FGF12: variants seen among roughly 807,000 people sequenced by gnomAD.
FGF12 encodes fibroblast growth factor 12.
Under a neutral mutation model 23.6 loss-of-function variants are expected in FGF12, and 14 were observed. That is an observed-to-expected ratio of 0.59 (90% CI 0.39 to 0.93). The LOEUF is 0.93. Among genes scored for constraint, FGF12 ranks in the 40% least tolerant of loss-of-function variants. The pLI is 0.00. For missense variants in FGF12, 175 were observed against 217.8 expected (o/e 0.80, Z 1.24); for synonymous variants, 62 against 77.3 (o/e 0.80, Z 1.04).
At chr3:192,571,340 C>A (rs78447917) in intron 2 of FGF12, among the ~76,000 whole-genome samples, 4,973 of 152,258 alleles carry the variant, frequency 0.033, 253 homozygotes, top group African/African-American at 0.11. Flanking sequence ...AAAAACCAAA[C>A]CAAAACAAAA....
At chr3:192,601,118 TA>T (rs1714098029) in intron 2 of FGF12, among the ~76,000 whole-genome samples, 1 of 151,936 alleles carries the variant, frequency 6.6e-6, no homozygotes, top group African/African-American at 2.4e-5. Flanking sequence ...CATTCAGCCA[TA>T]AAAAAGAATA....
chr3:192,218,298 T>C (rs1428976448), intron 4 of FGF12, among the ~76,000 whole-genome samples: 1 of 152,216 alleles, frequency 6.6e-6, no homozygotes, highest in Admixed American at 6.5e-5. Flanking sequence ...TTGGGGCCAG[T>C]TGATCTGGAT....
chr3:192,460,371 CTCTG>C (rs1284308892), intron 2 of FGF12, among the ~76,000 whole-genome samples: 1 of 152,118 alleles, frequency 6.6e-6, no homozygotes, highest in Non-Finnish European at 1.5e-5. Context: ...TGCCTGAGTT[CTCTG>C]TCTGAGCTTT....
Position 192,558,626 on chromosome 3 carries a change from C to A in FGF12, c.13+168555G>T, listed in dbSNP as rs572532930. On this transcript the variant is annotated intron_variant, in intron 2 of 5. Coordinates refer to ENST00000445105, the MANE Select transcript of FGF12 (RefSeq NM_004113.6). ...AAAAAATAAACAACAACAACAACAA[C>A]AAAACACTGTATAGCCAAAATGATT... Among the ~76,000 whole-genome samples the A allele has an allele frequency of 3.0e-3, 456 of 151,762 alleles. 3 individuals carry two copies. The highest frequency in any genetic ancestry group is 0.01 in the African/African-American group (434 of 41,468).
At position 192,408,900 on chromosome 3, in the gene FGF12, G is replaced by C. The variant is rs1004539919; in HGVS notation, c.14-48362C>G. 2 of 985,372 alleles carry C rather than the reference G, an allele frequency of 2.0e-6. No individual in the cohort carries two copies. The highest frequency in any genetic ancestry group is 9.4e-5 in the South Asian group (2 of 21,284). The allele number at this position is 985,372 out of a possible 1,614,324, so 61.0% of individuals were successfully genotyped here. ...GGGTGAGGTCTACAGAATGCATCGC[G>C]CCGGCTGCGGCTTTCCAGGGGCCGG... On this transcript the variant is annotated intron_variant, in intron 2 of 5. Transcript: ENST00000445105. The surrounding 1 kb of genome is among the most constrained non-coding windows in gnomAD (Gnocchi z 7.3).
chr3:192,628,148 G>GGAGATTCAT (rs1715244148), intron 2 of FGF12, among the ~76,000 whole-genome samples: 1 of 151,888 alleles, frequency 6.6e-6, no homozygotes, highest in Non-Finnish European at 1.5e-5. Flanking sequence ...ATAATTCCCT[G>GGAGATTCAT]GAGATTCATC....
rs139280957 is a variant in FGF12 at position 192,358,915 on chromosome 3, C to T, written c.124+1513G>A. ...CCATTAGATTTTATAGAAATTAAAC[C>T]TGAGAACTAGTAATATCTTGGAGTT... On this transcript the variant is annotated intron_variant, in intron 3 of 5. Coordinates refer to ENST00000445105, the MANE Select transcript of FGF12 (RefSeq NM_004113.6). Among the ~76,000 whole-genome samples, 861 of 152,110 alleles carry T rather than the reference C, an allele frequency of 5.7e-3. 8 individuals carry two copies. Among genetic ancestry groups the T allele is most frequent in the African/African-American group, 0.02 (822 of 41,516 alleles).
intron 4 of FGF12, among the ~76,000 whole-genome samples, chr3:192,194,558 T>C (rs1560187377): frequency 6.6e-6 from 1 of 152,208 alleles, no homozygotes; most frequent in Non-Finnish European, 1.5e-5. Context: ...TTCATATATA[T>C]TTAGATGTTT....
intron 4 of FGF12, among the ~76,000 whole-genome samples, chr3:192,251,233 CCTAA>C (rs779881052): frequency 4.1e-4 from 62 of 152,154 alleles, no homozygotes; most frequent in Non-Finnish European, 7.4e-5. Flanking sequence ...CTTATCTTTT[CCTAA>C]CTAAGAGCAG....
At chr3:192,160,435 A>T (rs1377449822) in intron 5 of FGF12, among the ~76,000 whole-genome samples, 1 of 152,156 alleles carries the variant, frequency 6.6e-6, no homozygotes, top group Non-Finnish European at 1.5e-5. Flanking sequence ...TGCCTGCAAA[A>T]ACCTTGTGCC....
At chr3:192,158,427 CTTTTT>C (rs1431641628) in intron 5 of FGF12, among the ~76,000 whole-genome samples, 2 of 126,966 alleles carry the variant, frequency 1.6e-5, no homozygotes, top group Non-Finnish European at 3.3e-5. Context: ...CTTTCTTTTT[CTTTTT>C]TCTTTCTTTC....
intron 2 of FGF12, among the ~76,000 whole-genome samples, chr3:192,711,358 G>C (rs549008161): frequency 6.6e-6 from 1 of 151,780 alleles, no homozygotes; most frequent in Non-Finnish European, 1.5e-5. Context: ...CCGCCGTCCC[G>C]TCCGGGAGGT....
intron 4 of FGF12, among the ~76,000 whole-genome samples, chr3:192,255,469 A>G (rs1168144005): frequency 2.0e-5 from 3 of 151,988 alleles, no homozygotes; most frequent in Non-Finnish European, 2.9e-5. Flanking sequence ...GTACCTAGAA[A>G]GTTTAAATTA....
chr3:192,690,586 C>CAA lies in FGF12; in HGVS notation c.13+36593_13+36594dup, dbSNP rs35837229. ...AGAAAGAAATCAAACCACAACACTA[C>CAA]AAAAAAAAAAAAAAAAAAATCACCC... On this transcript the variant is annotated intron_variant, in intron 2 of 5. Coordinates refer to ENST00000445105, the MANE Select transcript of FGF12 (RefSeq NM_004113.6). 2.9e-3 allele frequency among the ~76,000 whole-genome samples: 269 copies of CAA among 92,084 alleles called. 1 individual carries two copies. Among genetic ancestry groups the CAA allele is most frequent in the African/African-American group, 9.7e-3 (240 of 24,860 alleles). 60.4% of individuals were successfully genotyped at this position (92,084 alleles called of 152,430 possible).
At chr3:192,477,447 T>G (rs903957686) in intron 2 of FGF12, among the ~76,000 whole-genome samples, 3 of 152,214 alleles carry the variant, frequency 2.0e-5, no homozygotes, top group Non-Finnish European at 2.9e-5. Context: ...CAGTATAGTT[T>G]ATAGACAATT....
intron 4 of FGF12, among the ~76,000 whole-genome samples, chr3:192,232,600 T>C (rs1205314007): frequency 6.6e-6 from 1 of 152,066 alleles, no homozygotes; most frequent in African/African-American, 2.4e-5. Flanking sequence ...TTTGTTACTT[T>C]AGTACATTGC....
At chr3:192,709,758 T>A (rs1718603116) in intron 2 of FGF12, among the ~76,000 whole-genome samples, 1 of 152,208 alleles carries the variant, frequency 6.6e-6, no homozygotes, top group South Asian at 2.1e-4. Context: ...TTTCCAATCA[T>A]GAGTTTTGAA....
At chr3:192,721,355 A>G (rs1719033274) in intron 2 of FGF12, among the ~76,000 whole-genome samples, 1 of 152,194 alleles carries the variant, frequency 6.6e-6, no homozygotes, top group Non-Finnish European at 1.5e-5. Context: ...TTGCAGAGAA[A>G]CAGAGGTAAG....
Position 192,167,765 on chromosome 3 carries a change from ATATAAAATTTTTTT to A in FGF12, c.427+2679_427+2692del, listed in dbSNP as rs1715290906. 9.3e-5 allele frequency among the ~76,000 whole-genome samples: 3 copies of A among 32,376 alleles called. 1 individual carries two copies. The highest frequency in any genetic ancestry group is 1.8e-4 in the Non-Finnish European group (3 of 16,714). 21.2% of individuals were successfully genotyped at this position (32,376 alleles called of 152,430 possible). A position where few individuals can be genotyped will look rare whatever the true frequency, so the allele number is the denominator to read the frequency against. ...TATATATATATATATATATATATAT[ATATAAAATTTTTTT>A]TTTTTTTTTTTTTTGAGAAAGAATC... On this transcript the variant is annotated intron_variant, in intron 5 of 5. Coordinates refer to ENST00000445105, the MANE Select transcript of FGF12 (RefSeq NM_004113.6).
Sources: gnomAD v4.1 joint callset for allele counts (sites outside exome capture counted in the v4.1 genomes callset) on GRCh38, gnomAD v4.1.1 for gene constraint, Gnocchi (gnomAD v3.1) non-coding constraint, MANE v1.5 for transcripts, NCBI Gene and HGNC (gene_info 2026-07-23, HGNC 2026-07-21) for gene names.